The following ADAM10 variants were observed in gnomAD, a reference collection of about 807,000 sequenced individuals.
ADAM10 encodes ADAM metallopeptidase domain 10, also known as disintegrin and metalloproteinase domain-containing protein 10.
A neutral mutation model predicts 90.1 loss-of-function variants in ADAM10; 17 were observed. The observed-to-expected ratio is 0.19, with a 90% CI of 0.13 to 0.28. ADAM10 has a LOEUF of 0.28. Among genes scored for constraint, ADAM10 ranks in the 10% least tolerant of loss-of-function variants. The probability of loss-of-function intolerance (pLI) is 1.00; values close to 1 mark genes in which losing one functional copy is unlikely to be tolerated. For synonymous variants in ADAM10, 310 were observed against 298.6 expected (o/e 1.04, Z -0.40); for missense variants, 610 against 914.3 (o/e 0.67, Z 4.29).
chr15:58,712,604 G>C (rs1898510857), intron 2 of ADAM10, among the ~76,000 whole-genome samples: 1 of 151,748 alleles, frequency 6.6e-6, no homozygotes. Flanking sequence ...CGGATCATGA[G>C]GTCAGGAGAT....
chr15:58,726,935 G>A (rs1308999352), intron 1 of ADAM10, among the ~76,000 whole-genome samples: 1 of 151,366 alleles, frequency 6.6e-6, no homozygotes, highest in East Asian at 1.9e-4. Context: ...AGAAGACGAA[G>A]GGGAAGGGGA....
intron 2 of ADAM10, among the ~76,000 whole-genome samples, chr15:58,687,961 G>C (rs1897652670): frequency 6.6e-6 from 1 of 152,178 alleles, no homozygotes; most frequent in Non-Finnish European, 1.5e-5. Flanking sequence ...TGCTACCATT[G>C]AGTATCTTTG....
chr15:58,742,229 T>G (rs530132268), intron 1 of ADAM10, among the ~76,000 whole-genome samples: 1 of 152,324 alleles, frequency 6.6e-6, no homozygotes, highest in South Asian at 2.1e-4. Context: ...ATTGTTTACT[T>G]GCAGTAGTAC....
intron 1 of ADAM10, among the ~76,000 whole-genome samples, chr15:58,738,564 C>G (rs429831): frequency 0.99 from 150,946 of 152,352 alleles, 74,793 homozygotes; most frequent in Middle Eastern, 1. Context: ...AATTAAAAGC[C>G]TATTTCAACA....
At chr15:58,691,778 GT>G in intron 2 of ADAM10, 1 of 346,612 alleles carries the variant, frequency 2.9e-6, no homozygotes, top group South Asian at 2.2e-5. Context: ...CGCCTCCCAG[GT>G]TCAAGCAATT....
intron 5 of ADAM10, among the ~76,000 whole-genome samples, chr15:58,652,147 T>A (rs938506467): frequency 6.6e-6 from 1 of 152,184 alleles, no homozygotes; most frequent in Non-Finnish European, 1.5e-5. Context: ...TGGTTATTAA[T>A]CCCTTGTCAG....
chr15:58,662,370 C>T lies in ADAM10; in HGVS notation c.585+2727G>A, dbSNP rs1340321467. 4.6e-5 allele frequency among the ~76,000 whole-genome samples: 7 copies of T among 152,270 alleles called. No individual in the cohort carries two copies. In the South Asian group the frequency reaches 1.5e-3, roughly 32 times the overall value. On this transcript the variant is annotated intron_variant, in intron 5 of 15. Transcript: ENST00000260408. ...TTTTTAGAGACAGGGTCTCGCGCTG[C>T]TGCCCGGGCTGGGGTGCCATGGCAC...
intron 2 of ADAM10, among the ~76,000 whole-genome samples, chr15:58,696,504 C>T (rs1199870580): frequency 6.7e-6 from 1 of 148,272 alleles, no homozygotes; most frequent in Non-Finnish European, 1.5e-5. Flanking sequence ...CACTCTCTCT[C>T]GCCCAGACTA....
intron 1 of ADAM10, among the ~76,000 whole-genome samples, chr15:58,721,751 G>A (rs888474045): frequency 1.3e-5 from 2 of 152,212 alleles, no homozygotes; most frequent in Non-Finnish European, 2.9e-5. Flanking sequence ...CAGGTGGCCG[G>A]GTGTGGTAGT....
chr15:58,655,696 G>GTGTA (rs1896796069), intron 5 of ADAM10, among the ~76,000 whole-genome samples: 3 of 68,256 alleles, frequency 4.4e-5, no homozygotes, highest in African/African-American at 2.4e-4. Context: ...ATTATATATA[G>GTGTA]TATATATATA....
intron 2 of ADAM10, among the ~76,000 whole-genome samples, chr15:58,712,834 G>A (rs1458261918): frequency 6.6e-6 from 1 of 151,838 alleles, no homozygotes; most frequent in South Asian, 2.1e-4. Flanking sequence ...TCAAAAAAAA[G>A]AACAAGACAG....
intron 11 of ADAM10, among the ~76,000 whole-genome samples, chr15:58,619,218 AT>A (rs1895706934): frequency 6.6e-6 from 1 of 152,246 alleles, no homozygotes; most frequent in African/African-American, 2.4e-5. Context: ...GTTAAATAAA[AT>A]AAGCCAGACA....
chr15:58,643,853 T>C (rs199521019), intron 7 of ADAM10, 33 bp downstream of exon 7: 2 of 1,479,648 alleles, frequency 1.4e-6, no homozygotes, highest in Non-Finnish European at 1.9e-6. Context: ...CTGTTTCACT[T>C]TTTAAGTGTT....
chr15:58,656,287 T>C (rs533176563), intron 5 of ADAM10, among the ~76,000 whole-genome samples: 60 of 152,274 alleles, frequency 3.9e-4, no homozygotes, highest in Non-Finnish European at 5.9e-5. Context: ...TGTCTTTTGA[T>C]TAGAGACTTT....
rs757908856 is a variant in ADAM10, at chr15:58,589,060, T to A, written c.*8487A>T. The stretch of plus-strand genomic sequence containing the variant: ...ATATGTTAAAAGTTAAAAATACAGC[T>A]GTTGGTAATGTGTTGTAATGAAACT... On this transcript the variant is annotated 3_prime_UTR_variant, in exon 16 of 16. Transcript: ENST00000260408. 6 of 152,236 alleles carry A rather than the reference T, an allele frequency of 3.9e-5. No homozygotes were observed. Among genetic ancestry groups the A allele is most frequent in the Non-Finnish European group, 8.8e-5 (6 of 68,038 alleles). 9.4% of individuals were successfully genotyped at this position (152,236 alleles called of 1,614,324 possible).
At chr15:58,667,112 GA>G (rs1173270778) in intron 4 of ADAM10, among the ~76,000 whole-genome samples, 1 of 152,106 alleles carries the variant, frequency 6.6e-6, no homozygotes, top group African/African-American at 2.4e-5. Flanking sequence ...TAGTTCCCCT[GA>G]AAAGGCCAAA....
At chr15:58,749,029 G>C (rs1899886278) in intron 1 of ADAM10, 1 of 399,062 alleles carries the variant, frequency 2.5e-6, no homozygotes, top group Non-Finnish European at 4.4e-6. Flanking sequence ...TCCGCCACCG[G>C]GCAGGGGCTG....
At chr15:58,602,605 T>A (rs1298050687) in intron 14 of ADAM10, among the ~76,000 whole-genome samples, 1 of 152,128 alleles carries the variant, frequency 6.6e-6, no homozygotes, top group African/African-American at 2.4e-5. Flanking sequence ...AAGAGATATA[T>A]ACATACGTAC....
intron 10 of ADAM10, among the ~76,000 whole-genome samples, chr15:58,627,321 G>A (rs1203047706): frequency 1.3e-5 from 2 of 152,114 alleles, no homozygotes; most frequent in Non-Finnish European, 2.9e-5. Flanking sequence ...TGACAGAAAT[G>A]TCCTGTATCT....
Sources: allele counts gnomAD v4.1 joint callset (sites outside exome capture counted in the v4.1 genomes callset), GRCh38; gene constraint gnomAD v4.1.1; transcripts MANE v1.5; gene names NCBI Gene and HGNC (gene_info 2026-07-23, HGNC 2026-07-21).